The following INTS4 variants were observed in gnomAD, a reference collection of about 807,000 sequenced individuals.
INTS4 encodes integrator complex subunit 4.
A neutral mutation model predicts 119.5 loss-of-function variants in INTS4; 70 were observed. The ratio of observed to expected loss-of-function variants is 0.59; its 90% confidence interval spans 0.48 to 0.71. The LOEUF (loss-of-function observed/expected upper bound fraction) is 0.71. Ranked by LOEUF, INTS4 falls within the 30% of genes least tolerant of loss-of-function variation. The probability of loss-of-function intolerance (pLI) is 0.00; values close to 1 mark genes in which losing one functional copy is unlikely to be tolerated. For missense variants in INTS4, 867 were observed against 1,173.2 expected, an observed-to-expected ratio of 0.74 and a Z score of 3.81; for synonymous variants, 316 against 419.6, an observed-to-expected ratio of 0.75 and a Z score of 3.02.
At chr11:77,985,760 T>C (rs190552650) in intron 2 of INTS4, among the ~76,000 whole-genome samples, 1 of 152,320 alleles carries the variant, frequency 6.6e-6, no homozygotes, top group East Asian at 1.9e-4. Flanking sequence ...TAGCACTTAC[T>C]ATCTACATAC....
intron 2 of INTS4, among the ~76,000 whole-genome samples, chr11:77,990,686 CAAA>C (rs781257703): frequency 2.0e-5 from 2 of 98,474 alleles, no homozygotes; most frequent in Non-Finnish European, 2.0e-5. Flanking sequence ...ACTCTGTCTC[CAAA>C]AAAAAAAAAA....
chr11:77,986,308 T>C (rs1243188173), intron 2 of INTS4, among the ~76,000 whole-genome samples: 1 of 152,176 alleles, frequency 6.6e-6, no homozygotes, highest in Non-Finnish European at 1.5e-5. Flanking sequence ...TCACATCAGT[T>C]AGAATGGCAA....
chr11:77,990,999 C>A, intron 2 of INTS4, 109 bp downstream of exon 2: 1 of 921,464 alleles, frequency 1.1e-6, no homozygotes, highest in Non-Finnish European at 1.7e-6. Context: ...GGAAGACACT[C>A]AATAAAAGCT....
intron 10 of INTS4, among the ~76,000 whole-genome samples, chr11:77,933,719 C>T (rs1461229434): frequency 5.3e-5 from 8 of 151,560 alleles, no homozygotes; most frequent in African/African-American, 1.5e-4. Context: ...TCTGCCCTGC[C>T]GCCCCCTATG....
At chr11:77,923,046 G>A (rs1591061133) in intron 12 of INTS4, among the ~76,000 whole-genome samples, 1 of 152,212 alleles carries the variant, frequency 6.6e-6, no homozygotes, top group Non-Finnish European at 1.5e-5. Flanking sequence ...CCGGCCGGGT[G>A]TGGTGGCTCA....
At chr11:77,881,843 A>T (rs1350013937) in intron 22 of INTS4, among the ~76,000 whole-genome samples, 2 of 152,108 alleles carry the variant, frequency 1.3e-5, no homozygotes, top group African/African-American at 2.4e-5. Context: ...CAATTAAAAC[A>T]GGGATTTGTA....
chr11:77,892,621 T>G (rs1330833817), intron 19 of INTS4, among the ~76,000 whole-genome samples: 1 of 152,200 alleles, frequency 6.6e-6, no homozygotes, highest in Non-Finnish European at 1.5e-5. Context: ...CTCGCACTAT[T>G]GCCCGGGCTG....
chr11:77,938,493 C>A (rs1953854604), intron 10 of INTS4, among the ~76,000 whole-genome samples, 158 bp downstream of exon 10: 1 of 152,126 alleles, frequency 6.6e-6, no homozygotes, highest in Non-Finnish European at 1.5e-5. Context: ...ACTACTGGGG[C>A]CTCAGTCTCT....
At chr11:77,882,237 G>A (rs1022614621) in intron 22 of INTS4, among the ~76,000 whole-genome samples, 13 of 152,072 alleles carry the variant, frequency 8.5e-5, no homozygotes, top group African/African-American at 3.1e-4. Flanking sequence ...AAATTATTCA[G>A]GCTCAGGATC....
intron 21 of INTS4, 108 bp from the exon 22 acceptor site, chr11:77,884,060 A>G: frequency 8.8e-7 from 1 of 1,133,100 alleles, no homozygotes; most frequent in Non-Finnish European, 1.3e-6. Flanking sequence ...ACATGACACC[A>G]ACTTTACTAA....
chr11:77,971,145 G>T (rs912935463), intron 4 of INTS4, among the ~76,000 whole-genome samples: 21 of 152,134 alleles, frequency 1.4e-4, no homozygotes, highest in Non-Finnish European at 2.6e-4. Context: ...AGTGACAGGT[G>T]ATGTTAAGCT....
At chr11:77,983,148 C>A (rs886386906) in intron 2 of INTS4, among the ~76,000 whole-genome samples, 3 of 152,136 alleles carry the variant, frequency 2.0e-5, no homozygotes, top group Admixed American at 2.0e-4. Flanking sequence ...GGGGTAATAA[C>A]CTCAGAGGGC....
intron 18 of INTS4, among the ~76,000 whole-genome samples, chr11:77,899,213 C>T (rs1349192835): frequency 1.3e-5 from 2 of 151,940 alleles, no homozygotes; most frequent in Non-Finnish European, 2.9e-5. Flanking sequence ...AGATGTGAAC[C>T]CAAGCAATGT....
chr11:77,914,330 T>C (rs931865939), intron 15 of INTS4, among the ~76,000 whole-genome samples: 5 of 152,244 alleles, frequency 3.3e-5, no homozygotes, highest in Admixed American at 1.3e-4. Context: ...GGCTAGCTTT[T>C]GTGCCTTTTG....
intron 10 of INTS4, among the ~76,000 whole-genome samples, chr11:77,929,762 C>G (rs1953601346): frequency 6.6e-6 from 1 of 152,156 alleles, no homozygotes; most frequent in Non-Finnish European, 1.5e-5. Flanking sequence ...GAATAAGTAA[C>G]TCAACTTCCT....
At chr11:77,980,797 T>C (rs1313994555) in intron 3 of INTS4, among the ~76,000 whole-genome samples, 1 of 152,092 alleles carries the variant, frequency 6.6e-6, no homozygotes, top group Non-Finnish European at 1.5e-5. Flanking sequence ...AAGACCATCA[T>C]GGCTAACATG....
chr11:77,923,925 C>T (rs868228819), intron 12 of INTS4, among the ~76,000 whole-genome samples: 2 of 150,248 alleles, frequency 1.3e-5, no homozygotes, highest in East Asian at 2.0e-4. Context: ...CCACTAGGCC[C>T]GGCAGATTTT....
At chr11:77,894,242 T>G in intron 19 of INTS4, 48 bp downstream of exon 19, 1 of 979,152 alleles carries the variant, frequency 1.0e-6, no homozygotes, top group African/African-American at 1.6e-5. Context: ...AGTGCTATAC[T>G]CCATGTAACC....
At chr11:77,927,008 G>A (rs1379313841) in intron 11 of INTS4, among the ~76,000 whole-genome samples, 1 of 152,164 alleles carries the variant, frequency 6.6e-6, no homozygotes, top group Non-Finnish European at 1.5e-5. Flanking sequence ...TAACAGTTAG[G>A]GAAGGCTTCC....
Sources: gnomAD v4.1 joint callset for allele counts (sites outside exome capture counted in the v4.1 genomes callset) on GRCh38, gnomAD v4.1.1 for gene constraint, MANE v1.5 for transcripts, NCBI Gene and HGNC (gene_info 2026-07-23, HGNC 2026-07-21) for gene names.